SKIL: variants seen among roughly 807,000 people sequenced by gnomAD.
SKIL encodes SKI like proto-oncogene.
SKIL carries 20 observed loss-of-function variants against 69.6 expected under a neutral mutation model. The ratio of observed to expected loss-of-function variants is 0.29; its 90% CI spans 0.20 to 0.42. The LOEUF (loss-of-function observed/expected upper bound fraction) is 0.42. Among genes scored for constraint, SKIL ranks in the 10% least tolerant of loss-of-function variants. The pLI is 1.00. For synonymous variants in SKIL, 310 were observed against 279.9 expected, an observed-to-expected ratio of 1.11 and a Z score of -1.08; for missense variants, 745 against 783.1, an observed-to-expected ratio of 0.95 and a Z score of 0.58.
At chr3:170,387,334 T>C (rs1737688405) in intron 4 of SKIL, among the ~76,000 whole-genome samples, 1 of 152,196 alleles carries the variant, frequency 6.6e-6, no homozygotes, top group Non-Finnish European at 1.5e-5. Flanking sequence ...AGTCACTCCC[T>C]GATTCTCCCT....
At chr3:170,383,784 T>C (rs1461198808) in intron 3 of SKIL, among the ~76,000 whole-genome samples, 1 of 152,080 alleles carries the variant, frequency 6.6e-6, no homozygotes, top group Non-Finnish European at 1.5e-5. Context: ...AGTCAGGACA[T>C]AGCCTTGCAG....
rs1180155562 is a variant in SKIL, at chr3:170,360,162, A to C, written c.-170A>C. Reference sequence around the variant, plus strand: ...AGTGAAATTATACCAGATTATAAGGAGAACCAAAACTAAGTCGCAAAATTT... The same window carrying C: ...AGTGAAATTATACCAGATTATAAGGCGAACCAAAACTAAGTCGCAAAATTT... On this transcript the variant is annotated 5_prime_UTR_variant, in exon 2 of 7. Coordinates refer to ENST00000259119, the MANE Select transcript of SKIL (RefSeq NM_005414.5). The C allele has an allele frequency of 1.7e-6, 1 of 588,524 alleles. No individual in the cohort carries two copies. The highest frequency in any genetic ancestry group is 1.9e-5 in the African/African-American group (1 of 53,322). 36.5% of individuals were successfully genotyped at this position (588,524 alleles called of 1,614,324 possible).
At chr3:170,364,597 A>G (rs1372491870) in intron 2 of SKIL, among the ~76,000 whole-genome samples, 1 of 152,122 alleles carries the variant, frequency 6.6e-6, no homozygotes. Context: ...CTGGGATTAC[A>G]GGCATGAGCC....
intron 2 of SKIL, among the ~76,000 whole-genome samples, chr3:170,372,803 C>T (rs1460839829): frequency 6.6e-6 from 1 of 152,066 alleles, no homozygotes; most frequent in Non-Finnish European, 1.5e-5. Context: ...TATTTTGGGT[C>T]AGAACAAAGT....
rs1553852225 is a variant in SKIL at position 170,366,688 on chromosome 3, C to CACACACACACAG, written c.1098+5266_1098+5267insCACAGACACACA. On this transcript the variant is annotated intron_variant, in intron 2 of 6. Transcript: ENST00000259119. ...CTGTCTCAAAACACACACACACACACACACACAGACACACACACACACACA... is the reference window on the plus strand; with the variant it reads ...CTGTCTCAAAACACACACACACACACACACACACACAGACACACAGACACACACACACACACA... Among the ~76,000 whole-genome samples the CACACACACACAG allele has an allele frequency of 6.9e-3, 967 of 140,828 alleles. 10 individuals are homozygous for CACACACACACAG. The highest frequency in any genetic ancestry group is 0.024 in the African/African-American group (880 of 35,990). 92.4% of individuals were successfully genotyped at this position (140,828 alleles called of 152,430 possible).
At chr3:170,364,126 G>A (rs1000754664) in intron 2 of SKIL, among the ~76,000 whole-genome samples, 2 of 151,790 alleles carry the variant, frequency 1.3e-5, no homozygotes, top group African/African-American at 4.8e-5. Flanking sequence ...AATTTCTTTT[G>A]TATTTTAGTA....
rs368253102 is a variant in SKIL at position 170,392,444 on chromosome 3, A to G, written c.*27A>G. The G allele has an allele frequency of 5.6e-5, 82 of 1,474,884 alleles. No homozygotes were observed. In the African/African-American group the frequency reaches 1.1e-3, roughly 19 times the overall value. 91.4% of individuals were successfully genotyped at this position (1,474,884 alleles called of 1,614,324 possible). ...AACTGTTAAAGAGATTCATCTGTGT[A>G]TTACTGACAAGGTTTTTTTTGTTTG... On this transcript the variant is annotated 3_prime_UTR_variant, in exon 7 of 7. Transcript: ENST00000259119.
intron 2 of SKIL, among the ~76,000 whole-genome samples, chr3:170,370,448 C>G (rs1417382554): frequency 8.4e-5 from 3 of 35,848 alleles, no homozygotes; most frequent in Non-Finnish European, 1.6e-4. Flanking sequence ...AGCCCCCCCC[C>G]CCCCCCCGAG....
At chr3:170,379,965 AGTT>A (rs1737245955) in intron 2 of SKIL, among the ~76,000 whole-genome samples, 1 of 152,108 alleles carries the variant, frequency 6.6e-6, no homozygotes, top group Admixed American at 6.6e-5. Flanking sequence ...TCTGAACGTC[AGTT>A]GTTTTCTCAT....
At chr3:170,377,960 C>G (rs969124507) in intron 2 of SKIL, among the ~76,000 whole-genome samples, 3 of 152,074 alleles carry the variant, frequency 2.0e-5, no homozygotes, top group Admixed American at 2.0e-4. Context: ...ATGGCGCCGT[C>G]TCGGCTCACT....
rs1178324762 is a variant in SKIL, at chr3:170,360,143, A to G, written c.-189A>G. 7.7e-6 allele frequency: 4 copies of G among 518,728 alleles called. No individual in the cohort carries two copies. The highest frequency in any genetic ancestry group is 1.0e-5 in the Non-Finnish European group (3 of 296,584). 32.1% of individuals were successfully genotyped at this position (518,728 alleles called of 1,614,324 possible). ...ACAATTTTATAGGATTTGTAGTGAA[A>G]TTATACCAGATTATAAGGAGAACCA... On this transcript the variant is annotated 5_prime_UTR_variant, in exon 2 of 7. Coordinates refer to ENST00000259119, the MANE Select transcript of SKIL (RefSeq NM_005414.5).
chr3:170,361,187 G>A lies in SKIL; in HGVS notation c.856G>A (p.Ala286Thr). 1 of 1,614,232 alleles carries A rather than the reference G, an allele frequency of 6.2e-7. No individual in the cohort carries two copies. Among genetic ancestry groups the A allele is most frequent in the East Asian group, 2.2e-5 (1 of 44,886 alleles). Reference sequence around the variant, plus strand: ...ACCCCAGTTTTATGTTCAGCCTGATGCTCCGTGTATTCAATGTCTGGAGTG... The same window carrying A: ...ACCCCAGTTTTATGTTCAGCCTGATACTCCGTGTATTCAATGTCTGGAGTG... ...FAPQFYVQPD[A>T]PCIQCLECCG... Residue 286 changes from alanine to threonine, a missense_variant, in exon 2 of 7, where the codon GCT becomes ACT. Coordinates refer to ENST00000259119, the MANE Select transcript of SKIL (RefSeq NM_005414.5).
chr3:170,390,651 T>A (rs1193024975), intron 5 of SKIL, among the ~76,000 whole-genome samples, 187 bp downstream of exon 5: 2 of 152,192 alleles, frequency 1.3e-5, no homozygotes, highest in Admixed American at 6.6e-5. Flanking sequence ...CATGCCTGGC[T>A]AAATTTTGTA....
intron 2 of SKIL, among the ~76,000 whole-genome samples, chr3:170,369,913 A>C (rs1038642949): frequency 1.3e-5 from 2 of 152,142 alleles, no homozygotes; most frequent in African/African-American, 4.8e-5. Flanking sequence ...AAAGCAAAAG[A>C]ATATATAAAC....
rs929398607 is a variant in SKIL, at chr3:170,360,074, C to T, written c.-258C>T. 134 of 368,616 alleles carry T rather than the reference C, an allele frequency of 3.6e-4. No individual in the cohort carries two copies. The highest frequency in any genetic ancestry group is 5.5e-4 in the Non-Finnish European group (114 of 206,676). The allele number at this position is 368,616 out of a possible 1,614,324, so 22.8% of individuals were successfully genotyped here. On this transcript the variant is annotated 5_prime_UTR_variant, in exon 2 of 7. Transcript: ENST00000259119. ...GAAGAATTCAAGAAAACAAAGGCAT[C>T]CTCAGAGGTGTGCCTCTTTTCTTTA...
intron 4 of SKIL, among the ~76,000 whole-genome samples, chr3:170,387,698 C>T (rs1274898420): frequency 6.3e-5 from 9 of 141,736 alleles, no homozygotes; most frequent in South Asian, 4.5e-4. Context: ...CCGAGGCGGG[C>T]GGATCACGAG....
Position 170,361,321 on chromosome 3 carries a change from T to C in SKIL, c.990T>C (p.His330=). ...CAGCTAAATGGCATTGCTATCTTCA[T>C]GTGAACCAAAAATACTTAGGAACAC... is the stretch of plus-strand genomic sequence containing the variant. ...FESAKWHCYL[H]VNQKYLGTPE... The change falls in exon 2 of 7, where the codon CAT becomes CAC. Residue 330 remains histidine, a synonymous_variant. Coordinates refer to ENST00000259119, the MANE Select transcript of SKIL (RefSeq NM_005414.5). 1.9e-6 allele frequency: 3 copies of C among 1,613,798 alleles called. No homozygotes were observed. The highest frequency in any genetic ancestry group is 2.2e-5 in the East Asian group (1 of 44,890).
chr3:170,391,433 T>G (rs1290782162), intron 6 of SKIL, among the ~76,000 whole-genome samples, 173 bp downstream of exon 6: 2 of 151,870 alleles, frequency 1.3e-5, no homozygotes, highest in Non-Finnish European at 2.9e-5. Flanking sequence ...TTTTCCTGCC[T>G]CAGCCTCCTG....
chr3:170,375,593 G>A (rs939414404), intron 2 of SKIL, among the ~76,000 whole-genome samples: 3 of 150,832 alleles, frequency 2.0e-5, no homozygotes, highest in Non-Finnish European at 2.9e-5. Flanking sequence ...TTCTTTTTTC[G>A]AGACAAGCCC....
Sources: gnomAD v4.1 joint callset for allele counts (sites outside exome capture counted in the v4.1 genomes callset) on GRCh38, gnomAD v4.1.1 for gene constraint, MANE v1.5 for transcripts, NCBI Gene and HGNC (gene_info 2026-07-23, HGNC 2026-07-21) for gene names.